MKI67: variants seen among roughly 807,000 people sequenced by gnomAD.
The protein encoded by MKI67 is marker of proliferation Ki-67, also known as proliferation marker protein Ki-67.
Under a neutral mutation model 233.5 loss-of-function variants are expected in MKI67, and 152 were observed. The observed-to-expected ratio is 0.65, with a 90% confidence interval of 0.57 to 0.74. The LOEUF is 0.74. MKI67 is among the 30% of genes least tolerant of loss of function. The pLI, the probability that MKI67 is intolerant of heterozygous loss-of-function variation, is 0.00. For synonymous variants in MKI67, 1,465 were observed against 1,418.5 expected, an observed-to-expected ratio of 1.03 and a Z score of -0.74; for missense variants, 3,940 against 3,885.2, an observed-to-expected ratio of 1.01 and a Z score of -0.37.
In MKI67 at chr10:128,106,695, C is replaced by T. The variant is rs777720827; in HGVS notation, c.5145G>A (p.Glu1715=). 1.7e-5 allele frequency: 27 copies of T among 1,614,046 alleles called. No individual in the cohort carries two copies. Among genetic ancestry groups the T allele is most frequent in the African/African-American group, 2.7e-5 (2 of 74,918 alleles). ...EVPEDLAGFI[E]LFQTPSHTKE... ...TAGTGTGACTTGGTGTCTGGAAGAGCTCGATGAAGCCGGCCAGGTCTTCAG... is the reference window on the plus strand; with the variant it reads ...TAGTGTGACTTGGTGTCTGGAAGAGTTCGATGAAGCCGGCCAGGTCTTCAG... The change falls in exon 13 of 15, where the codon GAG becomes GAA. Residue 1715 remains glutamate (E), a synonymous_variant. Transcript: ENST00000368654.
chr10:128,118,433 T>C (rs1447447071), intron 5 of MKI67, among the ~76,000 whole-genome samples: 1 of 147,332 alleles, frequency 6.8e-6, no homozygotes, highest in Non-Finnish European at 1.5e-5. Context: ...AATGTTGAAA[T>C]TCAAGAGTAC....
At chr10:128,112,521 C>A in intron 8 of MKI67, 76 bp from the exon 9 acceptor site, 1 of 1,384,660 alleles carries the variant, frequency 7.2e-7, no homozygotes. Context: ...AAAACCTATT[C>A]AGTTAAGAAT....
In MKI67 at chr10:128,104,206, T is replaced by G; in HGVS notation, c.7634A>C (p.Gln2545Pro). 1 of 1,613,968 alleles carries G rather than the reference T, an allele frequency of 6.2e-7. No homozygotes were observed. The highest frequency in any genetic ancestry group is 2.2e-5 in the East Asian group (1 of 44,854). The change falls in exon 13 of 15, where the codon CAG (glutamine) becomes CCG (proline). Residue 2545 changes from glutamine to proline, a missense_variant. Coordinates refer to ENST00000368654, the MANE Select transcript of MKI67 (RefSeq NM_002417.5). ...PAASVTGSRR[Q>P]LRTRKEKARA... ...GGCCTTTTCCTTACGAGTTCTCAGCTGCCTCCTGCTACCAGTTACACTTGC... is the reference window on the plus strand; with the variant it reads ...GGCCTTTTCCTTACGAGTTCTCAGCGGCCTCCTGCTACCAGTTACACTTGC...
intron 1 of MKI67, 78 bp downstream of exon 1, chr10:128,126,020 GT>G (rs1474239402): frequency 3.3e-6 from 1 of 307,594 alleles, no homozygotes; most frequent in African/African-American, 2.3e-5. Context: ...TCCCCTGCCC[GT>G]CCCCGCAGAG....
chr10:128,117,822 C>T (rs192584951), intron 5 of MKI67, among the ~76,000 whole-genome samples: 1 of 152,140 alleles, frequency 6.6e-6, no homozygotes, highest in African/African-American at 2.4e-5. Flanking sequence ...CATTCAATAG[C>T]CACAAAATTG....
chr10:128,107,411 G>T lies in MKI67; in HGVS notation c.4429C>A (p.Pro1477Thr). 6.2e-7 allele frequency: 1 copy of T among 1,613,958 alleles called. No homozygotes were observed. Among genetic ancestry groups the T allele is most frequent in the Non-Finnish European group, 8.5e-7 (1 of 1,179,992 alleles). ...GTCGTGGGCTTGTCAGTGCATACTG[G>T]TGTCTGGAAGAGCTCTTTCAAGCCA... The part of the protein sequence containing the change: ...LAGLKELFQT[P>T]VCTDKPTTHE... The change falls in exon 13 of 15, where the codon CCA becomes ACA. Residue 1477 changes from proline (P) to threonine (T), a missense_variant. By Grantham distance (38) the Pro-to-Thr change is conservative (BLOSUM62 -1). Transcript: ENST00000368654.
chr10:128,112,604 G>C (rs1388709965), intron 8 of MKI67, among the ~76,000 whole-genome samples, 159 bp from the exon 9 acceptor site: 1 of 152,224 alleles, frequency 6.6e-6, no homozygotes, highest in Non-Finnish European at 1.5e-5. Context: ...AGGTGAGACT[G>C]TCTCAGTCAT....
intron 5 of MKI67, 145 bp downstream of exon 5, chr10:128,119,108 C>T (rs867952313): frequency 9.2e-6 from 6 of 651,132 alleles, no homozygotes; most frequent in African/African-American, 5.6e-5. Context: ...AAGTTCAACT[C>T]GTTTTTATAC....
At chr10:128,113,721 C>T (rs776245067) in intron 7 of MKI67, 119 bp from the exon 8 acceptor site, 20 of 829,032 alleles carry the variant, frequency 2.4e-5, no homozygotes, top group Non-Finnish European at 3.0e-5. Context: ...ACAGTACCTA[C>T]AGCACGCCTC....
At chr10:128,109,909 G>C (rs1852632238) in intron 12 of MKI67, among the ~76,000 whole-genome samples, 1 of 152,228 alleles carries the variant, frequency 6.6e-6, no homozygotes, top group Non-Finnish European at 1.5e-5. Context: ...ACAGTGACCA[G>C]TGCCAAATGA....
rs765231826 is a variant in MKI67 at position 128,104,850 on chromosome 10, C to T, written c.6990G>A (p.Lys2330=). Residue 2330 remains lysine, a synonymous_variant, in exon 13 of 15, where the codon AAG becomes AAA. Transcript: ENST00000368654. Reference sequence around the variant, plus strand: ...TGGTAGTTTTCTCATCAGTCGTGGGCTTGTCAGTGCCTGGTGTCTGGAAGA... The same window carrying T: ...TGGTAGTTTTCTCATCAGTCGTGGGTTTGTCAGTGCCTGGTGTCTGGAAGA... ...KELFQTPGTD[K]PTTDEKTTKI... The T allele has an allele frequency of 6.2e-7, 1 of 1,612,514 alleles. No homozygotes were observed. Among genetic ancestry groups the T allele is most frequent in the South Asian group, 1.1e-5 (1 of 91,002 alleles).
Position 128,099,281 on chromosome 10 carries a change from C to A in MKI67, c.9706-26G>T, listed in dbSNP as rs377183032. 28 of 1,594,734 alleles carry A rather than the reference C, an allele frequency of 1.8e-5. No individual in the cohort carries two copies. In the African/African-American group the frequency reaches 3.5e-4, roughly 20 times the overall value. On this transcript the variant is annotated intron_variant, in intron 14 of 14. Coordinates refer to ENST00000368654, the MANE Select transcript of MKI67 (RefSeq NM_002417.5). The stretch of plus-strand genomic sequence containing the variant: ...CTGTGTGGGAAGAAAAAAAATAGAA[C>A]TCTTAAGTAATTTAAACACCCATTT...
chr10:128,108,777 T>C lies in MKI67; in HGVS notation c.3063A>G (p.Thr1021=), dbSNP rs749570308. 1.9e-6 allele frequency: 3 copies of C among 1,614,230 alleles called. No homozygotes were observed. The highest frequency in any genetic ancestry group is 2.2e-5 in the South Asian group (2 of 91,090). ...QPEPINTPTH[T]KQQLKASLGK... is the part of the protein sequence containing the mutation. Reference sequence around the variant, plus strand: ...CCAGGGATGCCTTCAACTGTTGTTTTGTGTGTGTTGGGGTGTTTATTGGTT... The same window carrying C: ...CCAGGGATGCCTTCAACTGTTGTTTCGTGTGTGTTGGGGTGTTTATTGGTT... Residue 1021 remains threonine, a synonymous_variant, in exon 13 of 15, where the codon ACA becomes ACG. Transcript: ENST00000368654.
intron 2 of MKI67, among the ~76,000 whole-genome samples, chr10:128,124,739 T>C (rs1377044453): frequency 4.6e-5 from 7 of 152,192 alleles, no homozygotes; most frequent in African/African-American, 1.4e-4. Context: ...ATGCAAGGCT[T>C]CCTCAGAGGT....
Position 128,115,492 on chromosome 10 carries a change from G to C in MKI67, c.916C>G (p.Pro306Ala). The change falls in exon 7 of 15, where the codon CCT becomes GCT. Residue 306 changes from proline (P) to alanine (A), a missense_variant. Coordinates refer to ENST00000368654, the MANE Select transcript of MKI67 (RefSeq NM_002417.5). ...SGGSGHAVAE[P>A]ASPEQELDQN... ...TCAAGCTCTTGTTCAGGTGAAGCAG[G>C]CTCTGCCACAGCGTGGCCGCTCCCA... 6.2e-7 allele frequency: 1 copy of C among 1,614,090 alleles called. No homozygotes were observed. Among genetic ancestry groups the C allele is most frequent in the South Asian group, 1.1e-5 (1 of 91,064 alleles).
chr10:128,119,440 C>A (rs1321054078), intron 4 of MKI67, 121 bp from the exon 5 acceptor site: 11 of 627,898 alleles, frequency 1.8e-5, no homozygotes, highest in Non-Finnish European at 2.8e-5. Flanking sequence ...CAAGACATCA[C>A]CTTATACAAA....
rs568678149 is a variant in MKI67 at position 128,105,569 on chromosome 10, C to T, written c.6271G>A (p.Glu2091Lys). ...ELFQTPDHTE[E>K]STTDDKTTKI... The stretch of plus-strand genomic sequence containing the variant: ...GTAGTTTTGTCATCAGTTGTTGATT[C>T]CTCAGTGTGGTCTGGTGTCTGGAAG... The change falls in exon 13 of 15, where the codon GAA becomes AAA. Residue 2091 changes from glutamate (E) to lysine (K), a missense_variant. Glu to Lys is a moderately conservative substitution (Grantham distance 56). Transcript: ENST00000368654. 3.0e-4 allele frequency: 485 copies of T among 1,613,332 alleles called. 5 individuals are homozygous for T. In the South Asian group the frequency reaches 5.2e-3, roughly 17 times the overall value.
rs756285477 is a variant in MKI67 at position 128,101,518 on chromosome 10, C to A, written c.9445G>T (p.Val3149Phe). Residue 3149 changes from valine to phenylalanine, a missense_variant, in exon 14 of 15, where the codon GTC becomes TTC. Val to Phe is a conservative substitution (Grantham distance 50). Coordinates refer to ENST00000368654, the MANE Select transcript of MKI67 (RefSeq NM_002417.5). The stretch of plus-strand genomic sequence containing the variant: ...CTCAAGCACCTTTTGTTCTCAGTGA[C>A]TTTGTCTCTAGGTATGGGTTTCCGG... ...GARKPIPRDK[V>F]TENKRCLRSA... The A allele has an allele frequency of 5.0e-6, 8 of 1,614,204 alleles. No individual in the cohort carries two copies. The South Asian group carries it at 8.8e-5, about 18-fold the overall frequency.
intron 14 of MKI67, among the ~76,000 whole-genome samples, chr10:128,099,834 G>A (rs926183925): frequency 6.6e-6 from 1 of 152,182 alleles, no homozygotes; most frequent in Non-Finnish European, 1.5e-5. Context: ...GCAAAGAGGA[G>A]CATGTGTGTG....
Sources: allele counts gnomAD v4.1 joint callset (sites outside exome capture counted in the v4.1 genomes callset), GRCh38; gene constraint gnomAD v4.1.1; transcripts MANE v1.5; gene names NCBI Gene and HGNC (gene_info 2026-07-23, HGNC 2026-07-21).